CSMD3: variants seen among roughly 807,000 people sequenced by gnomAD.
The protein encoded by CSMD3 is CUB and sushi domain-containing protein 3.
CSMD3 carries 177 observed loss-of-function variants against 435.2 expected under a neutral mutation model. That is an observed-to-expected ratio of 0.41 (90% CI 0.36 to 0.46). The LOEUF (loss-of-function observed/expected upper bound fraction) is 0.46. Among genes scored for constraint, CSMD3 ranks in the 20% least tolerant of loss-of-function variants. The pLI is 0.34. For synonymous variants in CSMD3, 1,656 were observed against 1,520.5 expected, an observed-to-expected ratio of 1.09 and a Z score of -2.07; for missense variants, 4,265 against 4,504.6, an observed-to-expected ratio of 0.95 and a Z score of 1.52.
intron 2 of CSMD3, among the ~76,000 whole-genome samples, chr8:113,287,501 T>C (rs1205297114): frequency 6.6e-6 from 1 of 152,030 alleles, no homozygotes; most frequent in Non-Finnish European, 1.5e-5. Context: ...AAGAAAAATA[T>C]GGCTGTGGCA....
intron 51 of CSMD3, 38 bp from the exon 52 acceptor site, chr8:112,304,953 A>G (rs1295344916): frequency 2.7e-6 from 4 of 1,469,200 alleles, no homozygotes; most frequent in Non-Finnish European, 3.8e-6. Flanking sequence ...CTAACAAATC[A>G]CTATATCTCA....
intron 4 of CSMD3, among the ~76,000 whole-genome samples, chr8:113,154,730 T>C (rs2131806657): frequency 6.6e-6 from 1 of 152,126 alleles, no homozygotes; most frequent in East Asian, 1.9e-4. Context: ...ACTTCAGAGC[T>C]TTGGTAAAAG....
chr8:112,325,296 A>G (rs1047770081), intron 45 of CSMD3, among the ~76,000 whole-genome samples: 3 of 152,118 alleles, frequency 2.0e-5, no homozygotes, highest in Non-Finnish European at 4.4e-5. Flanking sequence ...TATGTTCTGT[A>G]TAATTTTCTT....
intron 13 of CSMD3, among the ~76,000 whole-genome samples, chr8:112,702,782 G>A (rs1197658232): frequency 6.6e-6 from 1 of 152,044 alleles, no homozygotes; most frequent in African/African-American, 2.4e-5. Context: ...TGATCGCTAT[G>A]TGATGGCTGT....
At position 113,135,386 on chromosome 8, in the gene CSMD3, G is replaced by T. The variant is rs958743587; in HGVS notation, c.710-36423C>A. Among the ~76,000 whole-genome samples the T allele has an allele frequency of 2.0e-5, 3 of 151,710 alleles. No individual in the cohort carries two copies. In the Admixed American group the frequency reaches 2.0e-4, roughly 10 times the overall value. On this transcript the variant is annotated intron_variant, in intron 4 of 70. Transcript: ENST00000297405. ...CAAATCCAGTCCTTTGACTCCAGTT[G>T]TTCCTTTAGCCTAAATAATTTTCTT...
At chr8:113,022,840 TACTG>T (rs1286035994) in intron 5 of CSMD3, among the ~76,000 whole-genome samples, 2 of 151,888 alleles carry the variant, frequency 1.3e-5, no homozygotes, top group Non-Finnish European at 2.9e-5. Flanking sequence ...AGGAAAGAAA[TACTG>T]ACAATAATAC....
chr8:113,182,922 A>G (rs148850848), intron 3 of CSMD3, among the ~76,000 whole-genome samples: 344 of 152,164 alleles, frequency 2.3e-3, no homozygotes, highest in African/African-American at 7.9e-3. Context: ...AAGGCCCACT[A>G]TAGTTCCTCA....
chr8:113,135,964 C>T (rs1042000938), intron 4 of CSMD3, among the ~76,000 whole-genome samples: 2 of 151,806 alleles, frequency 1.3e-5, no homozygotes, highest in African/African-American at 2.4e-5. Flanking sequence ...ATTCATCTAA[C>T]AGTATTTTTA....
chr8:112,325,335 T>C lies in CSMD3; in HGVS notation c.7166-5354A>G, dbSNP rs144228771. ...TCTTTCATTTTCTTGAAATCTATCTTCCTAGCTCTTTTATAACTTTGAACA... is the reference window on the plus strand; with the variant it reads ...TCTTTCATTTTCTTGAAATCTATCTCCCTAGCTCTTTTATAACTTTGAACA... On this transcript the variant is annotated intron_variant, in intron 45 of 70. Coordinates refer to ENST00000297405, the MANE Select transcript of CSMD3 (RefSeq NM_198123.2). Among the ~76,000 whole-genome samples, 176 of 152,228 alleles carry C rather than the reference T, an allele frequency of 1.2e-3. 1 individual carries two copies. The highest frequency in any genetic ancestry group is 3.9e-3 in the African/African-American group (162 of 41,574).
chr8:112,665,683 T>C (rs963092366), intron 17 of CSMD3, among the ~76,000 whole-genome samples: 1 of 152,180 alleles, frequency 6.6e-6, no homozygotes, highest in Non-Finnish European at 1.5e-5. Flanking sequence ...ATTTGTAAGT[T>C]GTGATTCAAT....
At chr8:112,614,158 G>T (rs181925391) in intron 22 of CSMD3, among the ~76,000 whole-genome samples, 3 of 152,178 alleles carry the variant, frequency 2.0e-5, no homozygotes, top group African/African-American at 7.2e-5. Context: ...GCAGGCAGAG[G>T]GAATAGCAAA....
chr8:113,386,325 C>A (rs1262256157), intron 1 of CSMD3, among the ~76,000 whole-genome samples: 3 of 151,848 alleles, frequency 2.0e-5, no homozygotes, highest in African/African-American at 4.8e-5. Context: ...GGCTCCTGAG[C>A]AAATTATGTG....
At chr8:112,500,166 T>G (rs1221034848) in intron 30 of CSMD3, among the ~76,000 whole-genome samples, 1 of 151,144 alleles carries the variant, frequency 6.6e-6, no homozygotes, top group Admixed American at 6.6e-5. Flanking sequence ...TAAGCAAATC[T>G]AGAGAAAATA....
chr8:112,298,718 CATTAGT>C (rs952227658), intron 53 of CSMD3, among the ~76,000 whole-genome samples: 2 of 152,026 alleles, frequency 1.3e-5, no homozygotes, highest in African/African-American at 4.8e-5. Flanking sequence ...CTGTGCTTAA[CATTAGT>C]ATTCATTAAG....
chr8:112,531,219 T>C (rs959321827), intron 27 of CSMD3, among the ~76,000 whole-genome samples: 2 of 152,106 alleles, frequency 1.3e-5, no homozygotes, highest in African/African-American at 4.8e-5. Context: ...AAGCCCCTGA[T>C]TTCAGGCCAC....
At chr8:112,912,097 A>G (rs1397908258) in intron 10 of CSMD3, among the ~76,000 whole-genome samples, 1 of 149,312 alleles carries the variant, frequency 6.7e-6, no homozygotes. Context: ...ATATATATAT[A>G]TAACATAACA....
At chr8:113,009,645 A>G (rs567499102) in intron 6 of CSMD3, among the ~76,000 whole-genome samples, 12 of 151,900 alleles carry the variant, frequency 7.9e-5, no homozygotes, top group African/African-American at 2.9e-4. Flanking sequence ...AGTAATTGCT[A>G]TATTTTCTGT....
At chr8:112,391,686 C>T (rs1264575585) in intron 35 of CSMD3, among the ~76,000 whole-genome samples, 1 of 122,632 alleles carries the variant, frequency 8.2e-6, no homozygotes, top group African/African-American at 2.7e-5. Flanking sequence ...GATAAGACTC[C>T]ATCTCAAAAA....
At chr8:112,994,360 C>T (rs550570468) in intron 6 of CSMD3, among the ~76,000 whole-genome samples, 1 of 151,602 alleles carries the variant, frequency 6.6e-6, no homozygotes, top group African/African-American at 2.4e-5. Flanking sequence ...ATACAAAAGA[C>T]AACTAAAAAC....
Sources: gnomAD v4.1 joint callset for allele counts (sites outside exome capture counted in the v4.1 genomes callset) on GRCh38, gnomAD v4.1.1 for gene constraint, MANE v1.5 for transcripts, NCBI Gene and HGNC (gene_info 2026-07-23, HGNC 2026-07-21) for gene names.